Variants in STAU1 observed in about 807,000 individuals in gnomAD.
STAU1 encodes double-stranded RNA-binding protein Staufen homolog 1.
Under a neutral mutation model 62.9 loss-of-function variants are expected in STAU1, and 13 were observed. The ratio of observed to expected loss-of-function variants is 0.21; its 90% CI spans 0.13 to 0.33. STAU1 has a LOEUF of 0.33. Ranked by LOEUF, STAU1 falls within the 10% of genes least tolerant of loss-of-function variation. The pLI is 1.00. For synonymous variants in STAU1, 269 were observed against 265.1 expected, an observed-to-expected ratio of 1.01 and a Z score of -0.14; for missense variants, 571 against 712.1, an observed-to-expected ratio of 0.80 and a Z score of 2.25.
At chr20:49,206,763 T>TTA in the STAU1 span, among the ~76,000 whole-genome samples, 250 of 119,954 alleles carry the variant, frequency 2.1e-3, 5 homozygotes, top group African/African-American at 7.5e-3. Flanking sequence ...TTTATTTTAT[T>TTA]TTTTTTTTTT....
intron 3 of STAU1, chr20:49,158,379 G>C: frequency 1.7e-6 from 2 of 1,155,038 alleles, no homozygotes; most frequent in Non-Finnish European, 2.3e-6. Context: ...AGGGAAACCT[G>C]GATTTCAGTA....
At chr20:49,139,857 T>C (rs1422169808) in intron 5 of STAU1, among the ~76,000 whole-genome samples, 1 of 151,956 alleles carries the variant, frequency 6.6e-6, no homozygotes, top group Non-Finnish European at 1.5e-5. Context: ...AAATGTAAAA[T>C]GGTTGTACCA....
Position 49,128,775 on chromosome 20 carries a change from A to C in STAU1, c.610-4188T>G, listed in dbSNP as rs1249770816. Among the ~76,000 whole-genome samples the C allele has an allele frequency of 6.7e-3, 434 of 65,128 alleles. 4 individuals are homozygous for C. Among genetic ancestry groups the C allele is most frequent in the African/African-American group, 0.015 (338 of 22,702 alleles). The allele number at this position is 65,128 out of a possible 152,430, so 42.7% of individuals were successfully genotyped here. A position where few individuals can be genotyped will look rare whatever the true frequency, so the allele number is the denominator to read the frequency against. The stretch of plus-strand genomic sequence containing the variant: ...AGGCACAATTAGACATCCAAATCCA[A>C]AAAAAAAAAAAAAAAAAAGACAAAA... On this transcript the variant is annotated intron_variant, in intron 6 of 13. Transcript: ENST00000371856.
intron 9 of STAU1, among the ~76,000 whole-genome samples, chr20:49,119,094 C>A (rs560574290): frequency 6.6e-6 from 1 of 152,294 alleles, no homozygotes; most frequent in South Asian, 2.1e-4. Flanking sequence ...GTTTATCTCA[C>A]CAGGACCATT....
chr20:49,170,428 G>GT (rs1024792473), intron 2 of STAU1, among the ~76,000 whole-genome samples: 1 of 152,140 alleles, frequency 6.6e-6, no homozygotes, highest in African/African-American at 2.4e-5. Flanking sequence ...TTGGCTCACC[G>GT]TAACCTCTGC....
Position 49,166,112 on chromosome 20 carries a change from C to T in STAU1, c.90G>A (p.Gln30=). The T allele has an allele frequency of 1.2e-6, 2 of 1,614,164 alleles. No homozygotes were observed. The highest frequency in any genetic ancestry group is 1.7e-5 in the Admixed American group (1 of 60,022). Residue 30 remains glutamine (Q), a synonymous_variant, in exon 3 of 14, where the codon CAG becomes CAA. Coordinates refer to ENST00000371856, the MANE Select transcript of STAU1 (RefSeq NM_017453.4). ...ILNKNQSLLS[Q]PLMSIPSTTS... ...TAGTAGAAGGAATACTCATCAAAGG[C>T]TGTGAGAGAAGAGACTGGTTCTTGT... is the stretch of plus-strand genomic sequence containing the variant.
intron 5 of STAU1, among the ~76,000 whole-genome samples, chr20:49,147,629 G>A (rs1022603364): frequency 6.6e-6 from 1 of 152,164 alleles, no homozygotes; most frequent in Non-Finnish European, 1.5e-5. Flanking sequence ...TAGGACCGTG[G>A]ACAAAGACTT....
chr20:49,132,001 A>G (rs1221328724), intron 6 of STAU1, among the ~76,000 whole-genome samples: 1 of 152,136 alleles, frequency 6.6e-6, no homozygotes, highest in African/African-American at 2.4e-5. Context: ...TGTCTAGGTA[A>G]GAAAAGTGAG....
the STAU1 span, among the ~76,000 whole-genome samples, chr20:49,216,881 A>C: frequency 0.31 from 47,397 of 151,988 alleles, 8,209 homozygotes; most frequent in African/African-American, 0.45. Context: ...CAAGATCTTC[A>C]TATCTGCCTA....
At chr20:49,186,438 C>T (rs1417657562) in intron 1 of STAU1, among the ~76,000 whole-genome samples, 1 of 151,928 alleles carries the variant, frequency 6.6e-6, no homozygotes, top group Non-Finnish European at 1.5e-5. Context: ...AAGGAGGCCA[C>T]TTTGCCGCAT....
rs144971592 is a variant in STAU1, at chr20:49,178,475, G to A, written c.-159-4206C>T. Among the ~76,000 whole-genome samples, 4 of 152,168 alleles carry A rather than the reference G, an allele frequency of 2.6e-5. No individual in the cohort carries two copies. In the East Asian group the frequency reaches 5.8e-4, roughly 22 times the overall value. ...CTAAAAATACAAAAATTAGGCCGGC[G>A]CAGTGACTCACACCTGTAATCCCAA... On this transcript the variant is annotated intron_variant, in intron 1 of 13. Transcript: ENST00000371856.
intron 2 of STAU1, among the ~76,000 whole-genome samples, chr20:49,168,692 T>C (rs348277): frequency 0.73 from 111,219 of 152,056 alleles, 41,506 homozygotes; most frequent in African/African-American, 0.87. Context: ...GCATCTAAGG[T>C]AGTGATTCTC....
intron 2 of STAU1, among the ~76,000 whole-genome samples, chr20:49,172,815 G>A (rs2093613490): frequency 2.0e-5 from 3 of 151,890 alleles, no homozygotes; most frequent in Admixed American, 2.0e-4. Context: ...TAGGATATTT[G>A]ACAAAGCCTC....
At chr20:49,144,809 A>G (rs1257083890) in intron 5 of STAU1, among the ~76,000 whole-genome samples, 1 of 152,200 alleles carries the variant, frequency 6.6e-6, no homozygotes, top group African/African-American at 2.4e-5. Flanking sequence ...TCCACCCCAG[A>G]GGCTTTATCA....
the STAU1 span, among the ~76,000 whole-genome samples, chr20:49,217,260 C>T: frequency 6.6e-6 from 1 of 152,102 alleles, no homozygotes; most frequent in Non-Finnish European, 1.5e-5. Context: ...GTTCCCGCTT[C>T]CTCCTCCAGT....
At chr20:49,134,964 G>C in intron 6 of STAU1, 1 of 1,602,754 alleles carries the variant, frequency 6.2e-7, no homozygotes, top group Non-Finnish European at 8.5e-7. Flanking sequence ...TGGTGGACTT[G>C]CTTTGTGAAG....
At chr20:49,129,280 A>ATTTTTTTTT (rs71184264) in intron 6 of STAU1, among the ~76,000 whole-genome samples, 12 of 87,958 alleles carry the variant, frequency 1.4e-4, no homozygotes, top group African/African-American at 5.1e-4. Context: ...TTAAAAAAAA[A>ATTTTTTTTT]TTTTTTTTTT....
At chr20:49,196,166 G>A in the STAU1 span, among the ~76,000 whole-genome samples, 1 of 148,002 alleles carries the variant, frequency 6.8e-6, no homozygotes, top group Non-Finnish European at 1.5e-5. Flanking sequence ...GCCGGGCGCG[G>A]TGGCTCACGC....
At chr20:49,158,348 C>A (rs182483004) in intron 3 of STAU1, 5 of 900,704 alleles carry the variant, frequency 5.6e-6, no homozygotes, top group Non-Finnish European at 7.9e-6. Flanking sequence ...ATCACTTTAT[C>A]TCACTTACAA....
Sources: gnomAD v4.1 joint callset for allele counts (sites outside exome capture counted in the v4.1 genomes callset) on GRCh38, gnomAD v4.1.1 for gene constraint, MANE v1.5 for transcripts, NCBI Gene and HGNC (gene_info 2026-07-23, HGNC 2026-07-21) for gene names.